Variants in STXBP6 observed in about 807,000 individuals in gnomAD.
The protein encoded by STXBP6 is syntaxin-binding protein 6.
STXBP6 carries 21 observed loss-of-function variants against 26.9 expected under a neutral mutation model. The ratio of observed to expected loss-of-function variants is 0.78; its 90% CI spans 0.55 to 1.12. The LOEUF (loss-of-function observed/expected upper bound fraction) is 1.12. STXBP6 is among the 50% of genes most tolerant of loss of function. The pLI is 0.00. For missense variants in STXBP6, 232 were observed against 257.9 expected, an observed-to-expected ratio of 0.90 and a Z score of 0.69; for synonymous variants, 97 against 92.6, an observed-to-expected ratio of 1.05 and a Z score of -0.27.
At chr14:24,817,872 A>G (rs2068025029) in intron 5 of STXBP6, 2 of 358,356 alleles carry the variant, frequency 5.6e-6, no homozygotes, top group Non-Finnish European at 1.1e-5. Context: ...CCCTGTCACG[A>G]CAGAGAATGA....
At chr14:25,035,695 A>C (rs1043061220) in intron 1 of STXBP6, among the ~76,000 whole-genome samples, 2 of 152,130 alleles carry the variant, frequency 1.3e-5, no homozygotes, top group African/African-American at 4.8e-5. Flanking sequence ...TTTCTCAGCT[A>C]CCTCATTTTA....
intron 2 of STXBP6, among the ~76,000 whole-genome samples, chr14:24,953,594 C>T (rs1272869017): frequency 6.6e-6 from 1 of 152,206 alleles, no homozygotes; most frequent in Admixed American, 6.5e-5. Flanking sequence ...TCGCTTTCTA[C>T]TGAAAACACC....
intron 2 of STXBP6, among the ~76,000 whole-genome samples, chr14:24,972,605 C>T (rs527644454): frequency 6.6e-6 from 1 of 152,226 alleles, no homozygotes; most frequent in East Asian, 1.9e-4. Flanking sequence ...CATACTAGGC[C>T]GATGTTCAGC....
intron 2 of STXBP6, among the ~76,000 whole-genome samples, chr14:24,890,917 A>G (rs2070763918): frequency 6.6e-6 from 1 of 152,246 alleles, no homozygotes; most frequent in South Asian, 2.1e-4. Context: ...CAGCCAAGCT[A>G]ACAATCAAGT....
At chr14:25,005,693 A>G (rs1182008915) in intron 1 of STXBP6, among the ~76,000 whole-genome samples, 1 of 152,190 alleles carries the variant, frequency 6.6e-6, no homozygotes, top group Non-Finnish European at 1.5e-5. Flanking sequence ...CGAACTCTCT[A>G]AAAGTCTCTA....
chr14:24,831,789 TG>T (rs2068460782), intron 4 of STXBP6, among the ~76,000 whole-genome samples: 1 of 152,324 alleles, frequency 6.6e-6, no homozygotes, highest in African/African-American at 2.4e-5. Flanking sequence ...TGAGGTTCTC[TG>T]GGAGTGCAGC....
chr14:24,971,777 T>C (rs2073913236), intron 2 of STXBP6, among the ~76,000 whole-genome samples: 2 of 152,202 alleles, frequency 1.3e-5, no homozygotes, highest in Non-Finnish European at 2.9e-5. Flanking sequence ...TTTCACATCA[T>C]TGTATTTTTT....
intron 4 of STXBP6, among the ~76,000 whole-genome samples, chr14:24,838,872 C>G (rs754748661): frequency 1.3e-5 from 2 of 151,936 alleles, no homozygotes; most frequent in Non-Finnish European, 2.9e-5. Context: ...TACTTCTTAT[C>G]GATTTGAAAA....
At chr14:25,002,612 G>A (rs975632831) in intron 1 of STXBP6, among the ~76,000 whole-genome samples, 1 of 151,892 alleles carries the variant, frequency 6.6e-6, no homozygotes, top group Non-Finnish European at 1.5e-5. Flanking sequence ...ATGTGCCTCG[G>A]CCTCTCAAAG....
intron 2 of STXBP6, among the ~76,000 whole-genome samples, chr14:24,920,555 T>C (rs1462074281): frequency 1.3e-5 from 2 of 151,854 alleles, no homozygotes; most frequent in African/African-American, 4.8e-5. Context: ...TTTCTAGAGA[T>C]TCCCCTTTTA....
chr14:24,855,829 T>C, intron 4 of STXBP6, 107 bp downstream of exon 4: 1 of 1,075,248 alleles, frequency 9.3e-7, no homozygotes, highest in Non-Finnish European at 1.3e-6. Context: ...AGCATATTGA[T>C]TCTTCTCCTG....
chr14:24,819,540 CGTT>C lies in STXBP6; in HGVS notation c.452-349_452-347del, dbSNP rs558335225. 2.2e-4 allele frequency: 112 copies of C among 515,026 alleles called. No homozygotes were observed. In the South Asian group the frequency reaches 3.6e-3, roughly 17 times the overall value. 31.9% of individuals were successfully genotyped at this position (515,026 alleles called of 1,614,324 possible). A position where few individuals can be genotyped will look rare whatever the true frequency, so the allele number is the denominator to read the frequency against. On this transcript the variant is annotated intron_variant, in intron 4 of 5. Transcript: ENST00000323944. ...CTTGGCTTGCAAAGATAAATGAAAA[CGTT>C]GACAAGTTCACAGAATTAGGCAAGT...
At chr14:24,981,264 A>C (rs1222212237) in intron 1 of STXBP6, among the ~76,000 whole-genome samples, 1 of 150,874 alleles carries the variant, frequency 6.6e-6, no homozygotes, top group African/African-American at 2.5e-5. Flanking sequence ...GAATCTTCAG[A>C]TATGTATGTG....
At chr14:24,990,680 G>C (rs904449270) in intron 1 of STXBP6, among the ~76,000 whole-genome samples, 9 of 94,178 alleles carry the variant, frequency 9.6e-5, no homozygotes, top group Non-Finnish European at 1.9e-4. Context: ...AAAAAAAAAA[G>C]ATAAGCTGGG....
chr14:24,975,999 C>G (rs1273640978), intron 1 of STXBP6, among the ~76,000 whole-genome samples: 1 of 152,172 alleles, frequency 6.6e-6, no homozygotes, highest in African/African-American at 2.4e-5. Flanking sequence ...GCATATGGAT[C>G]AACAGCATAG....
chr14:24,819,913 T>C (rs1485535144), intron 4 of STXBP6, among the ~76,000 whole-genome samples: 1 of 152,066 alleles, frequency 6.6e-6, no homozygotes, highest in Non-Finnish European at 1.5e-5. Flanking sequence ...TACAAAACAG[T>C]GATAGAAACC....
intron 1 of STXBP6, among the ~76,000 whole-genome samples, chr14:25,017,176 G>T (rs961421743): frequency 4.6e-5 from 7 of 152,150 alleles, no homozygotes; most frequent in African/African-American, 9.7e-5. Context: ...ATGTATTTGT[G>T]CTAGTTGGTA....
In STXBP6 at chr14:24,842,615, G is replaced by C. The variant is rs1022328392; in HGVS notation, c.451+13321C>G. Among the ~76,000 whole-genome samples the C allele has an allele frequency of 5.3e-5, 8 of 151,546 alleles. 2 individuals are homozygous for C. The highest frequency in any genetic ancestry group is 3.9e-4 in the Admixed American group (6 of 15,214). On this transcript the variant is annotated intron_variant, in intron 4 of 5. Coordinates refer to ENST00000323944, the MANE Select transcript of STXBP6 (RefSeq NM_001394410.1). ...CAAACATTCATTTTTATCAACACAAGAATCCAAAAATTCTACATTGCCCAG... is the reference window on the plus strand; with the variant it reads ...CAAACATTCATTTTTATCAACACAACAATCCAAAAATTCTACATTGCCCAG...
intron 5 of STXBP6, 91 bp downstream of exon 5, chr14:24,818,946 C>T: frequency 6.9e-7 from 1 of 1,455,340 alleles, no homozygotes; most frequent in Non-Finnish European, 9.2e-7. Flanking sequence ...TTTTATATCT[C>T]TCATCACAGG....
Sources: gnomAD v4.1 joint callset for allele counts (sites outside exome capture counted in the v4.1 genomes callset) on GRCh38, gnomAD v4.1.1 for gene constraint, MANE v1.5 for transcripts, NCBI Gene and HGNC (gene_info 2026-07-23, HGNC 2026-07-21) for gene names.